SLC44A1: variants seen among roughly 807,000 people sequenced by gnomAD.
The protein encoded by SLC44A1 is solute carrier family 44 member 1.
Under a neutral mutation model 79.3 loss-of-function variants are expected in SLC44A1, and 26 were observed. The ratio of observed to expected loss-of-function variants is 0.33; its 90% confidence interval spans 0.24 to 0.46. The LOEUF is 0.46. SLC44A1 is among the 20% of genes least tolerant of loss of function. The pLI, the probability that SLC44A1 is intolerant of heterozygous loss-of-function variation, is 1.00. For missense variants in SLC44A1, 688 were observed against 798.1 expected, an observed-to-expected ratio of 0.86 and a Z score of 1.66; for synonymous variants, 263 against 286.2, an observed-to-expected ratio of 0.92 and a Z score of 0.82.
At chr9:105,328,894 G>C (rs1431050228) in intron 3 of SLC44A1, among the ~76,000 whole-genome samples, 1 of 152,148 alleles carries the variant, frequency 6.6e-6, no homozygotes, top group African/African-American at 2.4e-5. Context: ...CATGGGTTGG[G>C]TTTCTTGGGT....
intron 1 of SLC44A1, among the ~76,000 whole-genome samples, chr9:105,284,921 C>T (rs1404632373): frequency 6.6e-6 from 1 of 152,192 alleles, no homozygotes; most frequent in African/African-American, 2.4e-5. Context: ...TACCCATTAG[C>T]AGTCATTCCC....
chr9:105,335,461 G>T, intron 3 of SLC44A1, 102 bp from the exon 4 acceptor site: 1 of 769,900 alleles, frequency 1.3e-6, no homozygotes, highest in Non-Finnish European at 2.0e-6. Context: ...TATCGTGGAG[G>T]AATGTGGAAT....
chr9:105,387,378 T>C (rs1017372744), intron 15 of SLC44A1, among the ~76,000 whole-genome samples: 2 of 152,106 alleles, frequency 1.3e-5, no homozygotes, highest in Non-Finnish European at 2.9e-5. Flanking sequence ...ACATGATTGC[T>C]TGGGCAGATG....
chr9:105,428,519 C>A (rs961092026), intron 15 of SLC44A1, among the ~76,000 whole-genome samples: 4 of 152,152 alleles, frequency 2.6e-5, no homozygotes, highest in African/African-American at 9.7e-5. Flanking sequence ...TCTTTTTGGT[C>A]CTGGGCAAGT....
intron 13 of SLC44A1, among the ~76,000 whole-genome samples, chr9:105,379,409 T>C (rs142093723): frequency 7.2e-4 from 110 of 152,352 alleles, no homozygotes; most frequent in African/African-American, 2.5e-3. Context: ...ATTCTGCATC[T>C]TCACAGTATC....
At chr9:105,373,094 A>G (rs1306850732) in intron 12 of SLC44A1, among the ~76,000 whole-genome samples, 1 of 152,226 alleles carries the variant, frequency 6.6e-6, no homozygotes, top group African/African-American at 2.4e-5. Context: ...CATCTTCATT[A>G]CAGACTCCTA....
Position 105,390,130 on chromosome 9 carries a change from G to A in SLC44A1, c.*1074G>A, listed in dbSNP as rs1828726278. On this transcript the variant is annotated 3_prime_UTR_variant, in exon 16 of 16. Transcript: ENST00000374720. ...TCTACGATGTTTAACTGAAGAATTG[G>A]CTAATGTTTTGATCCTCCAGTGTGA... 4.0e-6 allele frequency: 5 copies of A among 1,238,012 alleles called. No individual in the cohort carries two copies. Among genetic ancestry groups the A allele is most frequent in the Non-Finnish European group, 4.1e-6 (4 of 985,056 alleles). The allele number at this position is 1,238,012 out of a possible 1,614,324, so 76.7% of individuals were successfully genotyped here.
At chr9:105,371,608 A>C (rs1307523814) in intron 12 of SLC44A1, among the ~76,000 whole-genome samples, 1 of 151,216 alleles carries the variant, frequency 6.6e-6, no homozygotes, top group Non-Finnish European at 1.5e-5. Context: ...AGTCCCAGCT[A>C]CTCGGGAGGC....
intron 4 of SLC44A1, among the ~76,000 whole-genome samples, chr9:105,336,201 G>A (rs1217993363): frequency 6.6e-6 from 1 of 151,276 alleles, no homozygotes; most frequent in African/African-American, 2.4e-5. Flanking sequence ...GCATATTATA[G>A]GAAATTTGGA....
intron 15 of SLC44A1, among the ~76,000 whole-genome samples, chr9:105,437,082 G>C (rs770590417): frequency 6.6e-6 from 1 of 151,956 alleles, no homozygotes; most frequent in Non-Finnish European, 1.5e-5. Flanking sequence ...AAACTGAGCC[G>C]GCCCTTATTT....
At chr9:105,248,556 T>A (rs1829509288) in intron 1 of SLC44A1, among the ~76,000 whole-genome samples, 2 of 152,204 alleles carry the variant, frequency 1.3e-5, no homozygotes, top group Admixed American at 1.3e-4. Context: ...AGGAACTTTT[T>A]AAATTATTTT....
chr9:105,259,345 G>C (rs1588707770), intron 1 of SLC44A1, among the ~76,000 whole-genome samples: 1 of 150,922 alleles, frequency 6.6e-6, no homozygotes, highest in Non-Finnish European at 1.5e-5. Flanking sequence ...CCTTCGAAAG[G>C]GTTAATATAA....
At chr9:105,339,827 A>C (rs1336134446) in intron 4 of SLC44A1, among the ~76,000 whole-genome samples, 1 of 152,182 alleles carries the variant, frequency 6.6e-6, no homozygotes, top group African/African-American at 2.4e-5. Context: ...TCTCAAAAAA[A>C]CCTCAAAAAC....
intron 5 of SLC44A1, among the ~76,000 whole-genome samples, chr9:105,351,566 G>GAGAAAGAGAGAAAGAA (rs1827415357): frequency 8.8e-6 from 1 of 113,978 alleles, no homozygotes; most frequent in Non-Finnish European, 1.8e-5. Context: ...GAGAGAAAGA[G>GAGAAAGAGAGAAAGAA]AGAAAGAGAG....
At chr9:105,429,653 A>G (rs764597100) in intron 15 of SLC44A1, among the ~76,000 whole-genome samples, 7 of 152,164 alleles carry the variant, frequency 4.6e-5, no homozygotes, top group Non-Finnish European at 1.0e-4. Flanking sequence ...TGAGGGGAAA[A>G]CAATAAAGAT....
chr9:105,318,024 C>A (rs545852217), intron 3 of SLC44A1, among the ~76,000 whole-genome samples: 1 of 152,104 alleles, frequency 6.6e-6, no homozygotes, highest in Admixed American at 6.5e-5. Context: ...ACTGTCACTC[C>A]CACTTTAGCA....
chr9:105,319,692 A>G (rs928028712), intron 3 of SLC44A1, among the ~76,000 whole-genome samples: 14 of 152,208 alleles, frequency 9.2e-5, no homozygotes, highest in African/African-American at 3.1e-4. Context: ...AAGAGCACCA[A>G]GTAAACAAAG....
intron 15 of SLC44A1, among the ~76,000 whole-genome samples, chr9:105,437,387 A>G (rs1196319342): frequency 6.6e-6 from 1 of 152,064 alleles, no homozygotes; most frequent in Non-Finnish European, 1.5e-5. Context: ...ATAACTAGCT[A>G]TTGAGATCTA....
At chr9:105,282,693 C>T (rs12336008) in intron 1 of SLC44A1, among the ~76,000 whole-genome samples, 14,101 of 152,040 alleles carry the variant, frequency 0.093, 967 homozygotes, top group African/African-American at 0.18. Flanking sequence ...GGATTACAGG[C>T]GTGCGCCACC....
Sources: allele counts gnomAD v4.1 joint callset (sites outside exome capture counted in the v4.1 genomes callset), GRCh38; gene constraint gnomAD v4.1.1; transcripts MANE v1.5; gene names NCBI Gene and HGNC (gene_info 2026-07-23, HGNC 2026-07-21).